BMP1: variants seen among roughly 807,000 people sequenced by gnomAD.
BMP1 encodes bone morphogenetic protein 1.
In BMP1, 63 loss-of-function variants were observed where a neutral mutation model predicts 116.8. The observed-to-expected ratio is 0.54, with a 90% CI of 0.44 to 0.67. The LOEUF (loss-of-function observed/expected upper bound fraction) is 0.67. Among genes scored for constraint, BMP1 ranks in the 30% least tolerant of loss-of-function variants. BMP1 has a pLI of 0.00. For synonymous variants in BMP1, 536 were observed against 533.4 expected (o/e 1.00, Z -0.07); for missense variants, 1,183 against 1,358.9 (o/e 0.87, Z 2.04).
intron 19 of BMP1, among the ~76,000 whole-genome samples, chr8:22,210,256 A>C (rs4242430): frequency 0.74 from 112,281 of 152,106 alleles, 42,882 homozygotes; most frequent in African/African-American, 0.94. Flanking sequence ...ATGGCACGTT[A>C]AGAGTCAATG....
At chr8:22,170,021 C>G (rs1828231073) in intron 1 of BMP1, 1 of 152,470 alleles carries the variant, frequency 6.6e-6, no homozygotes, top group Admixed American at 6.5e-5. Flanking sequence ...CAGAGGGCAG[C>G]CCAAAAGCAC....
intron 15 of BMP1, among the ~76,000 whole-genome samples, chr8:22,200,671 C>T (rs1186313833): frequency 1.3e-5 from 2 of 152,150 alleles, no homozygotes; most frequent in Non-Finnish European, 2.9e-5. Flanking sequence ...TACATCCATG[C>T]ACTGGGTCTG....
chr8:22,182,583 C>T (rs755163823), intron 8 of BMP1, among the ~76,000 whole-genome samples: 2 of 152,166 alleles, frequency 1.3e-5, no homozygotes, highest in Non-Finnish European at 2.9e-5. Flanking sequence ...TCTACTGTTC[C>T]ACCCGTTGAC....
intron 15 of BMP1, among the ~76,000 whole-genome samples, chr8:22,200,717 C>T (rs1044640285): frequency 6.6e-6 from 1 of 152,130 alleles, no homozygotes; most frequent in East Asian, 1.9e-4. Context: ...CTGTCTAACA[C>T]ACTCTGTAGA....
intron 16 of BMP1, among the ~76,000 whole-genome samples, chr8:22,205,613 A>G (rs1264265160): frequency 6.6e-6 from 1 of 152,012 alleles, no homozygotes; most frequent in Non-Finnish European, 1.5e-5. Context: ...CATCTCTACA[A>G]CAAGCAAAAA....
intron 2 of BMP1, among the ~76,000 whole-genome samples, 169 bp downstream of exon 2, chr8:22,173,884 G>T (rs1423822967): frequency 6.6e-6 from 1 of 152,216 alleles, no homozygotes; most frequent in African/African-American, 2.4e-5. Flanking sequence ...TTCCCCAGAG[G>T]AGTAGTAAAT....
At chr8:22,187,626 G>A (rs1386006397) in intron 8 of BMP1, among the ~76,000 whole-genome samples, 2 of 150,172 alleles carry the variant, frequency 1.3e-5, no homozygotes, top group East Asian at 3.9e-4. Flanking sequence ...TGGGATTACA[G>A]GTGTGAGCCA....
At chr8:22,198,464 A>G (rs921268384) in intron 15 of BMP1, 2 of 152,284 alleles carry the variant, frequency 1.3e-5, no homozygotes. Context: ...CCCTGGGGTG[A>G]GGCTGTAAGG....
chr8:22,171,254 T>A (rs1828268873), intron 1 of BMP1: 1 of 152,240 alleles, frequency 6.6e-6, no homozygotes, highest in Non-Finnish European at 1.5e-5. Flanking sequence ...TCAAGTGTTC[T>A]GATGTCTAAA....
At position 22,201,893 on chromosome 8, in the gene BMP1, T is replaced by C; in HGVS notation, c.2198T>C (p.Phe733Ser). 1 of 1,613,872 alleles carries C rather than the reference T, an allele frequency of 6.2e-7. No homozygotes were observed. Among genetic ancestry groups the C allele is most frequent in the Non-Finnish European group, 8.5e-7 (1 of 1,179,942 alleles). ...TATGAGTGCCAATGCCGCAGTGGCT[T>C]CGTCCTCCATGACAACAAGCACGAC... is the stretch of plus-strand genomic sequence containing the variant. ...GSYECQCRSGFVLHDNKHDCK... is the reference protein window; with the variant it reads ...GSYECQCRSGSVLHDNKHDCK... Residue 733 changes from phenylalanine to serine, a missense_variant, in exon 16 of 20, where the codon TTC (phenylalanine) becomes TCC (serine). Physicochemically the swap from Phe to Ser is radical, Grantham distance 155. Around this residue, in one of 4 missense-constraint regions of BMP1, gnomAD observed 956 missense variants for 1,135.2 expected, o/e 0.84. Transcript: ENST00000306385.
chr8:22,180,712 C>T (rs1367648566), intron 8 of BMP1, among the ~76,000 whole-genome samples: 2 of 152,262 alleles, frequency 1.3e-5, no homozygotes, highest in Non-Finnish European at 2.9e-5. Flanking sequence ...TTGCACATAG[C>T]ACTTGCTGTG....
At chr8:22,171,032 C>T (rs1044886235) in intron 1 of BMP1, 1 of 152,224 alleles carries the variant, frequency 6.6e-6, no homozygotes, top group Admixed American at 6.5e-5. Context: ...ACTGCTTCTT[C>T]CTTGGAGTGT....
chr8:22,210,850 C>T (rs189640802), intron 19 of BMP1, among the ~76,000 whole-genome samples: 20 of 152,356 alleles, frequency 1.3e-4, no homozygotes, highest in Non-Finnish European at 5.9e-5. Context: ...GCTGAGTTGA[C>T]CGGAAGGAAC....
intron 15 of BMP1, among the ~76,000 whole-genome samples, chr8:22,197,770 G>A (rs1021351653): frequency 1.3e-5 from 2 of 152,234 alleles, no homozygotes; most frequent in Non-Finnish European, 2.9e-5. Flanking sequence ...GTTCAAGAAC[G>A]TGGGTGGATG....
At chr8:22,209,788 C>A (rs1829428984) in intron 19 of BMP1, 93 bp downstream of exon 19, 3 of 1,421,356 alleles carry the variant, frequency 2.1e-6, no homozygotes, top group Non-Finnish European at 2.9e-6. Flanking sequence ...ACCTAGCGCC[C>A]ACACAGGCCC....
chr8:22,195,356 T>C, intron 12 of BMP1, 106 bp from the exon 13 acceptor site: 1 of 1,413,586 alleles, frequency 7.1e-7, no homozygotes, highest in Non-Finnish European at 9.5e-7. Context: ...GTTCCAGCCA[T>C]CGGGGAGCTG....
chr8:22,200,658 C>T (rs144000646), intron 15 of BMP1, among the ~76,000 whole-genome samples: 9 of 152,202 alleles, frequency 5.9e-5, no homozygotes, highest in East Asian at 1.9e-4. Context: ...ATTTGGGTGA[C>T]GGTACATCCA....
At chr8:22,168,984 C>T (rs1401883891) in intron 1 of BMP1, among the ~76,000 whole-genome samples, 6 of 152,056 alleles carry the variant, frequency 3.9e-5, no homozygotes, top group Non-Finnish European at 2.9e-5. Context: ...CTGGGCAACA[C>T]AGCAAGATGC....
At chr8:22,187,492 G>T (rs1243413613) in intron 8 of BMP1, among the ~76,000 whole-genome samples, 1 of 146,568 alleles carries the variant, frequency 6.8e-6, no homozygotes, top group Admixed American at 6.8e-5. Context: ...CACCACGCCC[G>T]GCTAATTTTT....
Sources: gnomAD v4.1 joint callset for allele counts (sites outside exome capture counted in the v4.1 genomes callset) on GRCh38, gnomAD v4.1.1 for gene constraint, gnomAD v4.1.1 regional missense constraint, MANE v1.5 for transcripts, NCBI Gene and HGNC (gene_info 2026-07-23, HGNC 2026-07-21) for gene names.